The following ZFYVE28 variants were observed in gnomAD, a reference collection of about 807,000 sequenced individuals.
ZFYVE28 encodes the protein lateral signaling target protein 2 homolog.
In ZFYVE28, 40 loss-of-function variants were observed where a neutral mutation model predicts 82.1. That is an observed-to-expected ratio of 0.49 (90% CI 0.38 to 0.63). The LOEUF (loss-of-function observed/expected upper bound fraction) is 0.63, where lower values mean the gene tolerates loss of function less well. Ranked by LOEUF, ZFYVE28 falls within the 30% of genes least tolerant of loss-of-function variation. The pLI, the probability that ZFYVE28 is intolerant of heterozygous loss-of-function variation, is 0.00. For synonymous variants in ZFYVE28, 612 were observed against 546.1 expected, an observed-to-expected ratio of 1.12 and a Z score of -1.68; for missense variants, 1,321 against 1,242.1, an observed-to-expected ratio of 1.06 and a Z score of -0.96.
rs538504677 is a variant in ZFYVE28, at chr4:2,339,024, G to C, written c.521+429C>G. On this transcript the variant is annotated intron_variant, in intron 4 of 12. Transcript: ENST00000290974. This position sits in a 1 kb window ranked among gnomAD's most constrained non-coding sequence, Gnocchi z 5.0. ...AGATGGGGTGTCACCGTGTTAGCCA[G>C]GATGGTCTCGATCTTCTGACCTCAT... Among the ~76,000 whole-genome samples, 1 of 152,270 alleles carries C rather than the reference G, an allele frequency of 6.6e-6. No individual in the cohort carries two copies. Among genetic ancestry groups the C allele is most frequent in the South Asian group, 2.1e-4 (1 of 4,818 alleles).
chr4:2,387,306 G>T (rs17132509), intron 1 of ZFYVE28, among the ~76,000 whole-genome samples: 5,696 of 152,322 alleles, frequency 0.037, 325 homozygotes, highest in African/African-American at 0.12. Flanking sequence ...CAGTCTCATT[G>T]GGAAGGGAAA....
At chr4:2,318,131 G>A (rs1289668999) in intron 7 of ZFYVE28, among the ~76,000 whole-genome samples, 1 of 152,176 alleles carries the variant, frequency 6.6e-6, no homozygotes, top group Non-Finnish European at 1.5e-5. Flanking sequence ...CCTGGGCCCT[G>A]GACAAGCCTG....
intron 2 of ZFYVE28, among the ~76,000 whole-genome samples, chr4:2,347,655 C>T (rs1723788108): frequency 6.6e-6 from 1 of 152,138 alleles, no homozygotes; most frequent in Admixed American, 6.5e-5. Flanking sequence ...CTAAATAACA[C>T]ACTTTTAAAT....
intron 1 of ZFYVE28, among the ~76,000 whole-genome samples, chr4:2,390,910 T>C (rs1729751389): frequency 2.0e-5 from 3 of 152,242 alleles, no homozygotes; most frequent in Admixed American, 2.0e-4. Context: ...TCCCTGTCTG[T>C]TCGGGGTCCT....
Position 2,305,254 on chromosome 4 carries a change from C to G in ZFYVE28, c.1086G>C (p.Pro362=). The change falls in exon 8 of 13, where the codon CCG becomes CCC. Residue 362 remains proline (P), a synonymous_variant. Transcript: ENST00000290974. Reference sequence around the variant, plus strand: ...GAGCTGGGGACTGGCAGGCAATGGGCGGTGAAAGCAAAGAGGACATCTCGT... The same window carrying G: ...GAGCTGGGGACTGGCAGGCAATGGGGGGTGAAAGCAAAGAGGACATCTCGT... ...AGDEMSSLLS[P]PIACQSPAHR... is the part of the protein sequence containing the mutation. 5.6e-6 allele frequency: 9 copies of G among 1,612,486 alleles called. No individual in the cohort carries two copies. Among genetic ancestry groups the G allele is most frequent in the Non-Finnish European group, 7.6e-6 (9 of 1,179,650 alleles).
intron 4 of ZFYVE28, among the ~76,000 whole-genome samples, chr4:2,338,219 G>C (rs1415915234): frequency 1.3e-5 from 2 of 152,244 alleles, no homozygotes. Flanking sequence ...GCTTGCAGGA[G>C]GCCTGCCAGT....
rs1484704988 is a variant in ZFYVE28 at position 2,418,246 on chromosome 4, G to A, written c.39+39C>T. 1 of 1,530,038 alleles carries A rather than the reference G, an allele frequency of 6.5e-7. No individual in the cohort carries two copies. The highest frequency in any genetic ancestry group is 8.8e-7 in the Non-Finnish European group (1 of 1,137,884). 94.8% of individuals were successfully genotyped at this position (1,530,038 alleles called of 1,614,324 possible). ...GGCGGTCCTGGGGAAGGGAGAGGCC[G>A]CGACGCGGGGGGCGTCCGGCCCGAG... On this transcript the variant is annotated intron_variant, in intron 1 of 12. Transcript: ENST00000290974. The surrounding 1 kb of genome is among the most constrained non-coding windows in gnomAD (Gnocchi z 4.6).
chr4:2,296,560 G>T (rs10023852), intron 8 of ZFYVE28, among the ~76,000 whole-genome samples: 1 of 151,938 alleles, frequency 6.6e-6, no homozygotes, highest in African/African-American at 2.4e-5. Flanking sequence ...CCTGCCAGGG[G>T]CATGAAGTGG....
At chr4:2,380,327 C>T (rs907765205) in intron 1 of ZFYVE28, among the ~76,000 whole-genome samples, 2 of 152,206 alleles carry the variant, frequency 1.3e-5, no homozygotes, top group Non-Finnish European at 2.9e-5. Flanking sequence ...TGCCAAGAAA[C>T]CTGCTCTCAT....
At chr4:2,338,829 G>A (rs1722282684) in intron 4 of ZFYVE28, among the ~76,000 whole-genome samples, 2 of 152,106 alleles carry the variant, frequency 1.3e-5, no homozygotes, top group African/African-American at 2.4e-5. Context: ...GTTTGTTGTG[G>A]TTGTTGTTGT....
chr4:2,416,584 C>A lies in ZFYVE28; in HGVS notation c.39+1701G>T, dbSNP rs1439016150. On this transcript the variant is annotated intron_variant, in intron 1 of 12. Transcript: ENST00000290974. This position sits in a 1 kb window ranked among gnomAD's most constrained non-coding sequence, Gnocchi z 4.6. ...ACACCATTCATACAGCTATCCAGAG[C>A]GGAGGCCACCGCCCTACCCCGGCAG... Among the ~76,000 whole-genome samples the A allele has an allele frequency of 2.6e-5, 4 of 152,220 alleles. No individual in the cohort carries two copies. The highest frequency in any genetic ancestry group is 9.6e-5 in the African/African-American group (4 of 41,456).
chr4:2,368,053 T>G (rs1727072935), intron 1 of ZFYVE28, among the ~76,000 whole-genome samples: 1 of 151,914 alleles, frequency 6.6e-6, no homozygotes, highest in South Asian at 2.1e-4. Context: ...TGAAACTGTT[T>G]TATTGAGATG....
At chr4:2,273,863 G>A (rs545792337) in intron 9 of ZFYVE28, among the ~76,000 whole-genome samples, 199 bp downstream of exon 9, 14 of 151,408 alleles carry the variant, frequency 9.2e-5, no homozygotes, top group African/African-American at 2.7e-4. Context: ...ACCCTCACCC[G>A]CAGCTCCCCT....
At chr4:2,345,456 C>A (rs1723398609) in intron 2 of ZFYVE28, among the ~76,000 whole-genome samples, 1 of 151,918 alleles carries the variant, frequency 6.6e-6, no homozygotes, top group Non-Finnish European at 1.5e-5. Flanking sequence ...AGATTAACCT[C>A]AGATTCAATA....
chr4:2,324,543 G>T (rs1338112798), intron 6 of ZFYVE28: 7 of 182,920 alleles, frequency 3.8e-5, no homozygotes, highest in Admixed American at 3.7e-4. Flanking sequence ...ACATTCAACT[G>T]ATCTTCACTC....
intron 1 of ZFYVE28, among the ~76,000 whole-genome samples, chr4:2,414,011 G>A (rs924777923): frequency 6.6e-6 from 1 of 152,206 alleles, no homozygotes; most frequent in Admixed American, 6.5e-5. Flanking sequence ...TCTGCACTTC[G>A]GGACCAAACA....
chr4:2,399,116 TG>T (rs1282445176), intron 1 of ZFYVE28, among the ~76,000 whole-genome samples: 10,324 of 23,980 alleles, frequency 0.43, 1,718 homozygotes, highest in African/African-American at 0.6. Flanking sequence ...TGGGGCAAGA[TG>T]GAGGGCACAA....
intron 5 of ZFYVE28, among the ~76,000 whole-genome samples, chr4:2,336,487 C>T (rs1311802704): frequency 6.6e-6 from 1 of 152,180 alleles, no homozygotes; most frequent in Non-Finnish European, 1.5e-5. Flanking sequence ...TACATCTTAA[C>T]CCCAAAGTCC....
chr4:2,348,501 T>A (rs757123254), intron 2 of ZFYVE28, among the ~76,000 whole-genome samples: 1 of 152,200 alleles, frequency 6.6e-6, no homozygotes, highest in Non-Finnish European at 1.5e-5. Flanking sequence ...ATATCCCTAA[T>A]GAATATTGAT....
Sources: gnomAD v4.1 joint callset for allele counts (sites outside exome capture counted in the v4.1 genomes callset) on GRCh38, gnomAD v4.1.1 for gene constraint, Gnocchi (gnomAD v3.1) non-coding constraint, MANE v1.5 for transcripts, NCBI Gene and HGNC (gene_info 2026-07-23, HGNC 2026-07-21) for gene names.